Variants in ENTPD3 observed in about 807,000 individuals in gnomAD.
ENTPD3 encodes the protein CD39 antigen-like 3.
A neutral mutation model predicts 51.2 loss-of-function variants in ENTPD3; 60 were observed. The ratio of observed to expected loss-of-function variants is 1.17; its 90% confidence interval spans 0.95 to 1.45. The LOEUF (loss-of-function observed/expected upper bound fraction) is 1.45, where lower values mean the gene tolerates loss of function less well. Ranked by LOEUF, ENTPD3 falls within the 40% of genes most tolerant of loss-of-function variation. The pLI, the probability that ENTPD3 is intolerant of heterozygous loss-of-function variation, is 0.00. For missense variants in ENTPD3, 593 were observed against 641.1 expected (o/e 0.93, Z 0.81); for synonymous variants, 221 against 238.4 (o/e 0.93, Z 0.67).
chr3:40,424,044 A>C lies in ENTPD3; in HGVS notation c.1353+81A>C, dbSNP rs1575235605. On this transcript the variant is annotated intron_variant, in intron 10 of 10. Coordinates refer to ENST00000301825, the MANE Select transcript of ENTPD3 (RefSeq NM_001248.4). ...TGTGTGTGGAACAAATGTAGAAGGT[A>C]AAAGGGTATTAATGAGTTAAACTCA... 1.0e-5 allele frequency: 16 copies of C among 1,595,002 alleles called. No individual in the cohort carries two copies. The East Asian group carries it at 3.6e-4, about 36-fold the overall frequency.
At chr3:40,410,518 T>C (rs958613144) in intron 4 of ENTPD3, among the ~76,000 whole-genome samples, 4 of 151,996 alleles carry the variant, frequency 2.6e-5, no homozygotes, top group Non-Finnish European at 4.4e-5. Context: ...ACCATTATCA[T>C]TGATGATAAC....
chr3:40,410,769 G>A (rs966121023), intron 4 of ENTPD3, among the ~76,000 whole-genome samples: 3 of 149,730 alleles, frequency 2.0e-5, no homozygotes, highest in African/African-American at 7.7e-5. Context: ...TAATAATTAG[G>A]AGAAAAATAG....
In ENTPD3 at chr3:40,423,759, T is replaced by C. The variant is rs1406927057; in HGVS notation, c.1216-67T>C. 3 of 1,570,622 alleles carry C rather than the reference T, an allele frequency of 1.9e-6. No homozygotes were observed. In the Admixed American group the frequency reaches 5.5e-5, roughly 29 times the overall value. On this transcript the variant is annotated intron_variant, in intron 9 of 10. Coordinates refer to ENST00000301825, the MANE Select transcript of ENTPD3 (RefSeq NM_001248.4). ...ATAAGATTCTTTAAAACATGACTTT[T>C]AACCCAAGGTGTTCATTTTAAAACA...
At chr3:40,404,519 G>A (rs1955447304) in intron 4 of ENTPD3, among the ~76,000 whole-genome samples, 1 of 152,174 alleles carries the variant, frequency 6.6e-6, no homozygotes, top group South Asian at 2.1e-4. Flanking sequence ...GAGGTGTTAT[G>A]GCAGTCCCTC....
At chr3:40,425,438 A>G (rs565784548) in intron 10 of ENTPD3, among the ~76,000 whole-genome samples, 1 of 152,250 alleles carries the variant, frequency 6.6e-6, no homozygotes, top group South Asian at 2.1e-4. Context: ...ATAAAAATAA[A>G]TAAATAAAAA....
chr3:40,424,883 T>C, intron 10 of ENTPD3: 5 of 670,352 alleles, frequency 7.5e-6, no homozygotes, highest in Non-Finnish European at 1.4e-5. Flanking sequence ...TATCTACTTT[T>C]ACATAAATAA....
chr3:40,406,262 A>C (rs1955493773), intron 4 of ENTPD3, among the ~76,000 whole-genome samples: 1 of 152,144 alleles, frequency 6.6e-6, no homozygotes, highest in South Asian at 2.1e-4. Flanking sequence ...GCAAGGGAAA[A>C]GGCCAAGCAT....
chr3:40,427,505 C>T lies in ENTPD3; in HGVS notation c.1587C>T (p.Asp529=), dbSNP rs1384151930. ...CCTTTGACCATGCAGTGGATTCTGA[C>T]TGAGCCTTCAAAGCAGCTCCTGGAG... The part of the protein sequence containing the change: ...EHAFDHAVDS[D] The change falls in exon 11 of 11, where the codon GAC becomes GAT. Residue 529 remains aspartate, a synonymous_variant. Coordinates refer to ENST00000301825, the MANE Select transcript of ENTPD3 (RefSeq NM_001248.4). The T allele has an allele frequency of 6.2e-7, 1 of 1,612,670 alleles. No homozygotes were observed.
chr3:40,409,696 A>G, intron 4 of ENTPD3, among the ~76,000 whole-genome samples: 1 of 152,232 alleles, frequency 6.6e-6, no homozygotes. Context: ...TATTCTCTCC[A>G]TCTTCCTTGT....
chr3:40,404,357 G>A (rs775436038), intron 4 of ENTPD3, among the ~76,000 whole-genome samples: 15 of 152,160 alleles, frequency 9.9e-5, no homozygotes, highest in Non-Finnish European at 1.8e-4. Flanking sequence ...TTATTCATGG[G>A]GCACCACAAT....
intron 4 of ENTPD3, among the ~76,000 whole-genome samples, chr3:40,405,413 G>A (rs1458057634): frequency 1.3e-5 from 2 of 151,974 alleles, no homozygotes; most frequent in Admixed American, 1.3e-4. Flanking sequence ...GCTGAGGCAG[G>A]AGAATTGCTT....
At chr3:40,413,480 C>T (rs897397479) in intron 5 of ENTPD3, among the ~76,000 whole-genome samples, 2 of 152,132 alleles carry the variant, frequency 1.3e-5, no homozygotes, top group African/African-American at 4.8e-5. Context: ...CATATGTAAA[C>T]TTCTTGGTTG....
At chr3:40,419,175 A>T (rs1436374463) in intron 7 of ENTPD3, among the ~76,000 whole-genome samples, 1 of 152,174 alleles carries the variant, frequency 6.6e-6, no homozygotes, top group East Asian at 1.9e-4. Context: ...TGTTGCTACA[A>T]CAATAATATA....
chr3:40,426,636 A>G (rs1165836098), intron 10 of ENTPD3, among the ~76,000 whole-genome samples: 2 of 152,164 alleles, frequency 1.3e-5, no homozygotes, highest in Non-Finnish European at 2.9e-5. Flanking sequence ...ACATGGAAAG[A>G]TAGAAAGATA....
intron 7 of ENTPD3, among the ~76,000 whole-genome samples, chr3:40,418,478 T>G (rs1015404463): frequency 1.3e-5 from 2 of 152,216 alleles, no homozygotes; most frequent in African/African-American, 2.4e-5. Context: ...TAGCTGGATA[T>G]GTACTTTGCA....
intron 4 of ENTPD3, among the ~76,000 whole-genome samples, chr3:40,402,544 C>G (rs542205876): frequency 6.6e-6 from 1 of 152,030 alleles, no homozygotes; most frequent in African/African-American, 2.4e-5. Context: ...GTTCATTTTT[C>G]TATTGAATTG....
intron 5 of ENTPD3, 149 bp downstream of exon 5, chr3:40,412,111 T>C: frequency 1.3e-6 from 1 of 758,812 alleles, no homozygotes; most frequent in Middle Eastern, 4.1e-4. Context: ...GCTTTAAAGG[T>C]TGGGAAACTT....
chr3:40,419,915 G>A (rs569816328), intron 7 of ENTPD3, among the ~76,000 whole-genome samples: 8 of 152,204 alleles, frequency 5.3e-5, no homozygotes, highest in African/African-American at 1.9e-4. Flanking sequence ...CACTAAGCTC[G>A]GTGAAGACTG....
At chr3:40,400,790 A>C in intron 3 of ENTPD3, 104 bp from the exon 4 acceptor site, 1 of 798,732 alleles carries the variant, frequency 1.3e-6, no homozygotes, top group Non-Finnish European at 2.1e-6. Flanking sequence ...TCCCTAAGCG[A>C]AGCAGTGTGG....
Sources: allele counts gnomAD v4.1 joint callset (sites outside exome capture counted in the v4.1 genomes callset), GRCh38; gene constraint gnomAD v4.1.1; transcripts MANE v1.5; gene names NCBI Gene and HGNC (gene_info 2026-07-23, HGNC 2026-07-21).